CACNG5: variants seen among roughly 807,000 people sequenced by gnomAD.
CACNG5 encodes the protein calcium voltage-gated channel auxiliary subunit gamma 5.
CACNG5 carries 18 observed loss-of-function variants against 24.8 expected under a neutral mutation model. The observed-to-expected ratio is 0.73, with a 90% CI of 0.50 to 1.08. CACNG5 has a LOEUF of 1.08. Ranked by LOEUF, CACNG5 falls within the 50% of genes least tolerant of loss-of-function variation. The probability of loss-of-function intolerance (pLI) is 0.00; values close to 1 mark genes in which losing one functional copy is unlikely to be tolerated. For synonymous variants in CACNG5, 157 were observed against 149.1 expected (o/e 1.05, Z -0.39); for missense variants, 349 against 367.9 (o/e 0.95, Z 0.42).
Position 66,838,960 on chromosome 17 carries a change from C to CTTTTTTTTTTTT in CACNG5, c.-104+3718_-104+3729dup, listed in dbSNP as rs71160595. On this transcript the variant is annotated intron_variant, in intron 1 of 5. Coordinates refer to ENST00000533854, the MANE Select transcript of CACNG5 (RefSeq NM_145811.3). ...GTAGCACCCCAGTCCCTCACCCATT[C>CTTTTTTTTTTTT]TTTTTTTTTTTTTTTTTTTGAGACA... Among the ~76,000 whole-genome samples, 235 of 88,084 alleles carry CTTTTTTTTTTTT rather than the reference C, an allele frequency of 2.7e-3. 20 individuals are homozygous for CTTTTTTTTTTTT. The highest frequency in any genetic ancestry group is 4.3e-3 in the African/African-American group (88 of 20,484). 57.8% of individuals were successfully genotyped at this position (88,084 alleles called of 152,430 possible). A position where few individuals can be genotyped will look rare whatever the true frequency, so the allele number is the denominator to read the frequency against.
chr17:66,852,030 G>T (rs554521146), intron 1 of CACNG5, among the ~76,000 whole-genome samples: 2 of 152,372 alleles, frequency 1.3e-5, no homozygotes, highest in South Asian at 4.1e-4. Context: ...TCCACTCTCA[G>T]TGTGGATGGG....
chr17:66,889,914 G>A lies in CACNG5; in HGVS notation c.*4674G>A, dbSNP rs1977318129. 6.6e-6 allele frequency among the ~76,000 whole-genome samples: 1 copy of A among 152,218 alleles called. No individual in the cohort carries two copies. Among genetic ancestry groups the A allele is most frequent in the African/African-American group, 2.4e-5 (1 of 41,458 alleles). ...ACATGTAAAACTAACCATTGTAAGTGGAGAAAGGACAGCGGAGGCCGGGGG... is the reference window on the plus strand; with the variant it reads ...ACATGTAAAACTAACCATTGTAAGTAGAGAAAGGACAGCGGAGGCCGGGGG... On this transcript the variant is annotated 3_prime_UTR_variant, in exon 6 of 6. Coordinates refer to ENST00000533854, the MANE Select transcript of CACNG5 (RefSeq NM_145811.3).
intron 4 of CACNG5, among the ~76,000 whole-genome samples, chr17:66,882,784 G>A (rs935012737): frequency 6.7e-6 from 1 of 149,920 alleles, no homozygotes; most frequent in African/African-American, 2.4e-5. Flanking sequence ...TGGGAAGAAA[G>A]GAAAAACAGC....
rs559443024 is a variant in CACNG5, at chr17:66,887,877, C to T, written c.*2637C>T. On this transcript the variant is annotated 3_prime_UTR_variant, in exon 6 of 6. Coordinates refer to ENST00000533854, the MANE Select transcript of CACNG5 (RefSeq NM_145811.3). The stretch of plus-strand genomic sequence containing the variant: ...GTGCATGTGTCAATAATCACATCAC[C>T]ATCACAATTTCCTTTCTGTCTATAA... Among the ~76,000 whole-genome samples the T allele has an allele frequency of 1.3e-5, 2 of 152,256 alleles. No individual in the cohort carries two copies. The highest frequency in any genetic ancestry group is 4.2e-4 in the South Asian group (2 of 4,818).
At position 66,877,293 on chromosome 17, in the gene CACNG5, G is replaced by A. The variant is rs764892772; in HGVS notation, c.-40G>A. ...GCCCCAGAGCGCAGTCCGTGCTGGT[G>A]GGAGCGTGGCGACTAGTTGCACAGC... On this transcript the variant is annotated 5_prime_UTR_variant, in exon 2 of 6. Coordinates refer to ENST00000533854, the MANE Select transcript of CACNG5 (RefSeq NM_145811.3). 5 of 1,573,804 alleles carry A rather than the reference G, an allele frequency of 3.2e-6. No individual in the cohort carries two copies. Among genetic ancestry groups the A allele is most frequent in the Non-Finnish European group, 4.4e-6 (5 of 1,149,050 alleles).
At chr17:66,864,418 A>T (rs1976901989) in intron 1 of CACNG5, among the ~76,000 whole-genome samples, 1 of 152,208 alleles carries the variant, frequency 6.6e-6, no homozygotes, top group Non-Finnish European at 1.5e-5. Flanking sequence ...ACTGACACAT[A>T]CCTCAACTGC....
rs1447108552 is a variant in CACNG5 at position 66,851,512 on chromosome 17, C to G, written c.-104+16262C>G. On this transcript the variant is annotated intron_variant, in intron 1 of 5. Transcript: ENST00000533854. Reference sequence around the variant, plus strand: ...GCATTTCAAAAACATGGTTGTAGAACAGTGTGGAAAAGTCTATAAAATAAA... The same window carrying G: ...GCATTTCAAAAACATGGTTGTAGAAGAGTGTGGAAAAGTCTATAAAATAAA... 1.2e-4 allele frequency among the ~76,000 whole-genome samples: 18 copies of G among 152,160 alleles called. 1 individual carries two copies. The highest frequency in any genetic ancestry group is 1.5e-5 in the Non-Finnish European group (1 of 68,026).
In CACNG5 at chr17:66,885,449, C is replaced by T; in HGVS notation, c.*209C>T. ...TGGGAGTCTGGAGTCTGTGGGCAAG[C>T]TGATTGTCTGGGAACATGGGAGAAG... is the stretch of plus-strand genomic sequence containing the variant. On this transcript the variant is annotated 3_prime_UTR_variant, in exon 6 of 6. Coordinates refer to ENST00000533854, the MANE Select transcript of CACNG5 (RefSeq NM_145811.3). 3 of 588,942 alleles carry T rather than the reference C, an allele frequency of 5.1e-6. No homozygotes were observed. Among genetic ancestry groups the T allele is most frequent in the Non-Finnish European group, 5.7e-6 (2 of 349,288 alleles). 36.5% of individuals were successfully genotyped at this position (588,942 alleles called of 1,614,324 possible).
intron 1 of CACNG5, among the ~76,000 whole-genome samples, chr17:66,856,542 C>A (rs573118662): frequency 2.8e-5 from 3 of 108,408 alleles, no homozygotes; most frequent in African/African-American, 7.0e-5. Flanking sequence ...GTTGCCCCCC[C>A]GCCTTTTTTT....
At chr17:66,863,632 G>T (rs1158265547) in intron 1 of CACNG5, among the ~76,000 whole-genome samples, 1 of 152,112 alleles carries the variant, frequency 6.6e-6, no homozygotes, top group African/African-American at 2.4e-5. Context: ...CTCCCAAAGT[G>T]CTGGGATTAC....
chr17:66,884,668 C>A lies in CACNG5; in HGVS notation c.570+7C>A, dbSNP rs761702580. 4 of 1,614,188 alleles carry A rather than the reference C, an allele frequency of 2.5e-6. No homozygotes were observed. Among genetic ancestry groups the A allele is most frequent in the Non-Finnish European group, 3.4e-6 (4 of 1,180,038 alleles). On this transcript the variant is annotated splice_region_variant and intron_variant, in intron 5 of 5. Coordinates refer to ENST00000533854, the MANE Select transcript of CACNG5 (RefSeq NM_145811.3). ...CTCCTTCCTTTTAACGGAGGTAAAG[C>A]CCGTCACCCTAAGTATGGATAGGCT...
At chr17:66,865,980 A>G (rs138841538) in intron 1 of CACNG5, among the ~76,000 whole-genome samples, 2 of 152,186 alleles carry the variant, frequency 1.3e-5, no homozygotes, top group East Asian at 3.9e-4. Flanking sequence ...AACAATTCGT[A>G]TTGTTTAATC....
chr17:66,841,345 G>T (rs761426105), intron 1 of CACNG5, among the ~76,000 whole-genome samples: 2 of 152,186 alleles, frequency 1.3e-5, no homozygotes, highest in Non-Finnish European at 2.9e-5. Context: ...AATAGAATGG[G>T]AGGCAAGTTT....
intron 1 of CACNG5, among the ~76,000 whole-genome samples, chr17:66,866,099 G>A (rs1311010801): frequency 3.3e-5 from 5 of 152,178 alleles, no homozygotes; most frequent in Non-Finnish European, 5.9e-5. Context: ...TTACAATAAA[G>A]GAAATTTTGG....
chr17:66,868,390 G>A (rs1246761865), intron 1 of CACNG5, among the ~76,000 whole-genome samples: 2 of 152,150 alleles, frequency 1.3e-5, no homozygotes, highest in African/African-American at 4.8e-5. Context: ...TAGTCTTGGG[G>A]CAGAGAGAGC....
chr17:66,878,945 C>T, intron 2 of CACNG5, 27 bp from the exon 3 acceptor site: 1 of 1,570,766 alleles, frequency 6.4e-7, no homozygotes, highest in Non-Finnish European at 8.8e-7. Flanking sequence ...CAAGAGGGAC[C>T]TGGAAATGTG....
rs1191703583 is a variant in CACNG5, at chr17:66,880,846, A to T, written c.424+149A>T. On this transcript the variant is annotated intron_variant, in intron 4 of 5. Coordinates refer to ENST00000533854, the MANE Select transcript of CACNG5 (RefSeq NM_145811.3). ...AACCTCCACCTCCCGGATTCAAGCA[A>T]TTCTGCCTCAGCCTCCCAAGTAGCT... The T allele has an allele frequency of 3.8e-6, 3 of 798,362 alleles. No homozygotes were observed. In the African/African-American group the frequency reaches 5.2e-5, roughly 14 times the overall value. 49.5% of individuals were successfully genotyped at this position (798,362 alleles called of 1,614,324 possible). A position where few individuals can be genotyped will look rare whatever the true frequency, so the allele number is the denominator to read the frequency against.
intron 1 of CACNG5, among the ~76,000 whole-genome samples, chr17:66,855,792 C>T (rs28597084): frequency 8.9e-4 from 135 of 152,258 alleles, no homozygotes; most frequent in African/African-American, 3.2e-3. Context: ...CCACCGCACC[C>T]GGCCATGCAT....
In CACNG5 at chr17:66,885,709, G is replaced by A. The variant is rs1046699798; in HGVS notation, c.*469G>A. On this transcript the variant is annotated 3_prime_UTR_variant, in exon 6 of 6. Coordinates refer to ENST00000533854, the MANE Select transcript of CACNG5 (RefSeq NM_145811.3). ...CAAGATCTGCACCATCTGGCCGAAAGGTGACTCTGATATAGAGGTCTGGCT... is the reference window on the plus strand; with the variant it reads ...CAAGATCTGCACCATCTGGCCGAAAAGTGACTCTGATATAGAGGTCTGGCT... Among the ~76,000 whole-genome samples, 2 of 152,260 alleles carry A rather than the reference G, an allele frequency of 1.3e-5. No individual in the cohort carries two copies. The highest frequency in any genetic ancestry group is 2.9e-5 in the Non-Finnish European group (2 of 68,048).
Sources: gnomAD v4.1 joint callset for allele counts (sites outside exome capture counted in the v4.1 genomes callset) on GRCh38, gnomAD v4.1.1 for gene constraint, MANE v1.5 for transcripts, NCBI Gene and HGNC (gene_info 2026-07-23, HGNC 2026-07-21) for gene names.